NPHP1: variants seen among roughly 807,000 people sequenced by gnomAD.
NPHP1 encodes nephrocystin-1.
NPHP1 carries 70 observed loss-of-function variants against 90.4 expected under a neutral mutation model. The observed-to-expected ratio is 0.77, with a 90% confidence interval of 0.64 to 0.95. The LOEUF (loss-of-function observed/expected upper bound fraction) is 0.95, where lower values mean the gene tolerates loss of function less well. Ranked by LOEUF, NPHP1 falls within the 40% of genes least tolerant of loss-of-function variation. The probability of loss-of-function intolerance (pLI) is 0.00; values close to 1 mark genes in which losing one functional copy is unlikely to be tolerated. For synonymous variants in NPHP1, 256 were observed against 271.7 expected (o/e 0.94, Z 0.57); for missense variants, 764 against 795.9 (o/e 0.96, Z 0.48).
intron 13 of NPHP1, 150 bp downstream of exon 13, chr2:110,147,766 T>TA: frequency 1.6e-6 from 1 of 635,984 alleles, no homozygotes; most frequent in Non-Finnish European, 2.8e-6. Flanking sequence ...TCAGCACACA[T>TA]AAAATTAGAA....
intron 5 of NPHP1, 89 bp from the exon 6 acceptor site, chr2:110,168,642 A>G: frequency 1.1e-6 from 1 of 891,626 alleles, no homozygotes; most frequent in Non-Finnish European, 1.8e-6. Flanking sequence ...ATGTGCTGAA[A>G]AAAAGGCAAA....
intron 12 of NPHP1, among the ~76,000 whole-genome samples, chr2:110,149,194 T>C (rs541034227): frequency 6.6e-6 from 1 of 152,300 alleles, no homozygotes; most frequent in South Asian, 2.1e-4. Context: ...TTTGCTGGAA[T>C]AGGAACTTCA....
At chr2:110,187,776 T>G (rs1486634567) in intron 2 of NPHP1, among the ~76,000 whole-genome samples, 1 of 152,060 alleles carries the variant, frequency 6.6e-6, no homozygotes, top group Non-Finnish European at 1.5e-5. Context: ...AACAAAATAC[T>G]GGCAAACCGA....
chr2:110,145,537 G>A (rs1306060298), intron 14 of NPHP1, among the ~76,000 whole-genome samples: 6 of 151,878 alleles, frequency 4.0e-5, no homozygotes, highest in Non-Finnish European at 7.4e-5. Context: ...TGATCCTCCC[G>A]CCAAGGCCTC....
At chr2:110,125,382 A>T in intron 19 of NPHP1, 1 of 1,451,372 alleles carries the variant, frequency 6.9e-7, no homozygotes, top group South Asian at 1.3e-5. Context: ...ACTTTGGCTT[A>T]GAAACTTCCC....
chr2:110,148,454 T>C (rs1199979120), intron 12 of NPHP1, among the ~76,000 whole-genome samples: 1 of 152,142 alleles, frequency 6.6e-6, no homozygotes, highest in Non-Finnish European at 1.5e-5. Flanking sequence ...CTCATGCATT[T>C]CTTTATAGCA....
chr2:110,204,630 A>C (rs1237716385), intron 1 of NPHP1, among the ~76,000 whole-genome samples: 2 of 151,946 alleles, frequency 1.3e-5, no homozygotes, highest in African/African-American at 2.4e-5. Context: ...GTTAGGTGGG[A>C]GTGAGGGTCG....
At chr2:110,179,821 A>G in intron 2 of NPHP1, 137 bp from the exon 3 acceptor site, 1 of 524,602 alleles carries the variant, frequency 1.9e-6, no homozygotes, top group South Asian at 2.1e-5. Flanking sequence ...CTGACATATA[A>G]ATGCTTTTCC....
intron 12 of NPHP1, among the ~76,000 whole-genome samples, chr2:110,148,519 T>TAA (rs1681234213): frequency 1.3e-5 from 2 of 152,004 alleles, no homozygotes; most frequent in African/African-American, 4.8e-5. Context: ...AAATAGTTTA[T>TAA]GCCTTTGCAT....
At chr2:110,176,110 A>G in intron 4 of NPHP1, among the ~76,000 whole-genome samples, 1 of 152,098 alleles carries the variant, frequency 6.6e-6, no homozygotes, top group East Asian at 1.9e-4. Context: ...ATCTTTTCCT[A>G]TAAATTATTT....
chr2:110,125,481 T>C (rs189975215), intron 19 of NPHP1, 156 bp downstream of exon 19: 2 of 1,121,604 alleles, frequency 1.8e-6, no homozygotes, highest in South Asian at 1.3e-5. Flanking sequence ...CGTAACCCTC[T>C]TGGAATGTGT....
At chr2:110,152,439 AATAGAAG>A (rs1471326547) in intron 11 of NPHP1, among the ~76,000 whole-genome samples, 1 of 151,952 alleles carries the variant, frequency 6.6e-6, no homozygotes. Context: ...ATGGACCACA[AATAGAAG>A]ATAGAAGAGT....
intron 6 of NPHP1, among the ~76,000 whole-genome samples, chr2:110,168,045 A>G (rs1176864848): frequency 6.6e-6 from 1 of 152,194 alleles, no homozygotes; most frequent in Non-Finnish European, 1.5e-5. Context: ...GAAAATGACC[A>G]TGTTATTTTA....
chr2:110,184,194 A>G (rs540949385), intron 2 of NPHP1: 5 of 566,250 alleles, frequency 8.8e-6, no homozygotes, highest in South Asian at 5.6e-5. Flanking sequence ...GCATATTCGT[A>G]TCATGGCAGG....
chr2:110,197,919 C>T (rs1325224413), intron 2 of NPHP1, among the ~76,000 whole-genome samples: 3 of 152,022 alleles, frequency 2.0e-5, no homozygotes, highest in Non-Finnish European at 4.4e-5. Context: ...TTACAATTAC[C>T]TCCTTTATAA....
chr2:110,124,558 TGG>T, intron 19 of NPHP1: 8 of 225,796 alleles, frequency 3.5e-5, no homozygotes, highest in South Asian at 7.6e-5. Flanking sequence ...AGGGGTCCTT[TGG>T]TGATGAGGAT....
chr2:110,129,078 G>C (rs1679577711), intron 18 of NPHP1, 108 bp downstream of exon 18: 2 of 753,724 alleles, frequency 2.7e-6, no homozygotes, highest in Non-Finnish European at 4.7e-6. Context: ...GGGATTGGGA[G>C]ACATCATCCT....
intron 16 of NPHP1, among the ~76,000 whole-genome samples, chr2:110,138,782 G>A (rs1409103252): frequency 2.0e-5 from 3 of 152,060 alleles, no homozygotes; most frequent in Non-Finnish European, 4.4e-5. Flanking sequence ...GAAAGGGGTG[G>A]GAACTTCCTT....
At position 110,194,111 on chromosome 2, in the gene NPHP1, A is replaced by G. The variant is rs144296225; in HGVS notation, c.143+7310T>C. 5.4e-3 allele frequency among the ~76,000 whole-genome samples: 825 copies of G among 152,254 alleles called. 13 individuals carry two copies. The highest frequency in any genetic ancestry group is 0.017 in the African/African-American group (706 of 41,548). On this transcript the variant is annotated intron_variant, in intron 2 of 19. Coordinates refer to ENST00000445609, the MANE Select transcript of NPHP1 (RefSeq NM_001128178.3). ...CAATTAAAAGAACTGGAGAACCAAG[A>G]GCAAACACATTCAAAAGCTAGCAGA...
Sources: gnomAD v4.1 joint callset for allele counts (sites outside exome capture counted in the v4.1 genomes callset) on GRCh38, gnomAD v4.1.1 for gene constraint, MANE v1.5 for transcripts, NCBI Gene and HGNC (gene_info 2026-07-23, HGNC 2026-07-21) for gene names.